TBC1D9: variants seen among roughly 807,000 people sequenced by gnomAD.
TBC1D9 encodes TBC1 domain family member 9.
A neutral mutation model predicts 132.0 loss-of-function variants in TBC1D9; 63 were observed. The observed-to-expected ratio is 0.48, with a 90% CI of 0.39 to 0.59. The LOEUF (loss-of-function observed/expected upper bound fraction) is 0.59, where lower values mean the gene tolerates loss of function less well. Ranked by LOEUF, TBC1D9 falls within the 20% of genes least tolerant of loss-of-function variation. TBC1D9 has a pLI of 0.00. For synonymous variants in TBC1D9, 610 were observed against 609.9 expected, an observed-to-expected ratio of 1.00 and a Z score of 0.00; for missense variants, 1,261 against 1,592.7, an observed-to-expected ratio of 0.79 and a Z score of 3.54.
In TBC1D9 at chr4:140,639,445, T is replaced by C. The variant is rs1736944275; in HGVS notation, c.2338-17A>G. On this transcript the variant is annotated splice_polypyrimidine_tract_variant and intron_variant, in intron 13 of 20. Transcript: ENST00000442267. ...TCCGAATTTCTGTAAAGGAGCAATA[T>C]TGGTGTCTCTGAAAAAATCTCTTAC... is the stretch of plus-strand genomic sequence containing the variant. 3 of 1,572,458 alleles carry C rather than the reference T, an allele frequency of 1.9e-6. No individual in the cohort carries two copies. Among genetic ancestry groups the C allele is most frequent in the South Asian group, 1.1e-5 (1 of 87,576 alleles).
chr4:140,700,496 T>C (rs1209418432), intron 2 of TBC1D9, among the ~76,000 whole-genome samples: 1 of 151,616 alleles, frequency 6.6e-6, no homozygotes, highest in Admixed American at 6.6e-5. Flanking sequence ...TAGAAGTTCT[T>C]ATGAGAGATC....
intron 2 of TBC1D9, among the ~76,000 whole-genome samples, chr4:140,697,019 T>G (rs575029117): frequency 6.6e-6 from 1 of 152,336 alleles, no homozygotes; most frequent in East Asian, 1.9e-4. Flanking sequence ...GCTTCTGCTC[T>G]TAAAATCTTA....
At position 140,622,185 on chromosome 4, in the gene TBC1D9, G is replaced by T; in HGVS notation, c.*10C>A. The T allele has an allele frequency of 6.4e-7, 1 of 1,561,560 alleles. No homozygotes were observed. Among genetic ancestry groups the T allele is most frequent in the Non-Finnish European group, 8.7e-7 (1 of 1,145,214 alleles). ...CCCTCTCCTCCCACTCCCCCGGGAA[G>T]GCGCCCGTGTCAGCCGGACATGGCC... On this transcript the variant is annotated 3_prime_UTR_variant, in exon 21 of 21. Transcript: ENST00000442267.
chr4:140,643,626 A>G (rs1737047915), intron 13 of TBC1D9: 1 of 979,710 alleles, frequency 1.0e-6, no homozygotes, highest in East Asian at 2.7e-5. Flanking sequence ...TGCCGCAGGA[A>G]CCGCCACAGG....
Position 140,756,080 on chromosome 4 carries a change from C to T in TBC1D9, c.-35G>A, listed in dbSNP as rs745650845. The T allele has an allele frequency of 2.5e-6, 4 of 1,592,820 alleles. No homozygotes were observed. In the East Asian group the frequency reaches 6.9e-5, roughly 27 times the overall value. ...TGCCGCGGGCGGGCGCACAATGGGC[C>T]CGTGGGTCCAGTCCTGCACCCACCA... is the stretch of plus-strand genomic sequence containing the variant. On this transcript the variant is annotated 5_prime_UTR_variant, in exon 1 of 21. Transcript: ENST00000442267. This position sits in a 1 kb window ranked among gnomAD's most constrained non-coding sequence, Gnocchi z 5.6.
At chr4:140,652,141 T>C (rs1188602736) in intron 13 of TBC1D9, among the ~76,000 whole-genome samples, 1 of 151,388 alleles carries the variant, frequency 6.6e-6, no homozygotes, top group African/African-American at 2.4e-5. Context: ...CTTGGGAGGC[T>C]GAGACATGAG....
chr4:140,666,971 C>A (rs1420269189), intron 9 of TBC1D9, among the ~76,000 whole-genome samples: 1 of 152,222 alleles, frequency 6.6e-6, no homozygotes, highest in Non-Finnish European at 1.5e-5. Context: ...GCCAACCCAG[C>A]TGACAGGGAC....
intron 18 of TBC1D9, among the ~76,000 whole-genome samples, chr4:140,626,238 T>C (rs1014061370): frequency 6.6e-5 from 10 of 152,194 alleles, no homozygotes; most frequent in African/African-American, 2.4e-4. Flanking sequence ...GCAAAATGTC[T>C]TATTACATTC....
chr4:140,753,938 T>G (rs946100155), intron 1 of TBC1D9, among the ~76,000 whole-genome samples: 3 of 152,246 alleles, frequency 2.0e-5, no homozygotes, highest in Non-Finnish European at 4.4e-5. Flanking sequence ...ACATTTTACC[T>G]CTCTTGCTTG....
intron 2 of TBC1D9, among the ~76,000 whole-genome samples, chr4:140,687,067 A>G (rs1216890457): frequency 2.0e-5 from 3 of 151,940 alleles, no homozygotes; most frequent in African/African-American, 7.2e-5. Flanking sequence ...AACCAAGTCA[A>G]CACATTTTGG....
At chr4:140,713,446 T>A (rs578223353) in intron 1 of TBC1D9, among the ~76,000 whole-genome samples, 1 of 152,282 alleles carries the variant, frequency 6.6e-6, no homozygotes, top group South Asian at 2.1e-4. Context: ...TTTTATTATT[T>A]GAAATATATT....
intron 1 of TBC1D9, chr4:140,716,089 C>A (rs1003561255): frequency 2.0e-5 from 3 of 152,156 alleles, no homozygotes; most frequent in Non-Finnish European, 2.9e-5. Flanking sequence ...ATGTAAATGA[C>A]CTGTAAATGT....
chr4:140,652,335 A>G (rs139358264), intron 13 of TBC1D9, among the ~76,000 whole-genome samples: 3 of 152,062 alleles, frequency 2.0e-5, no homozygotes, highest in East Asian at 3.9e-4. Context: ...CAACCACACT[A>G]TCTTTTTTGC....
intron 20 of TBC1D9, 113 bp downstream of exon 20, chr4:140,624,003 G>A (rs1313131874): frequency 4.5e-6 from 3 of 670,030 alleles, no homozygotes; most frequent in South Asian, 2.1e-5. Flanking sequence ...CTAAGTAAAG[G>A]CCCCAGTTAT....
At chr4:140,663,708 C>T (rs2111003087) in intron 9 of TBC1D9, among the ~76,000 whole-genome samples, 1 of 152,130 alleles carries the variant, frequency 6.6e-6, no homozygotes, top group South Asian at 2.1e-4. Flanking sequence ...TATATTCAGC[C>T]TATAAGAGGG....
At chr4:140,703,002 A>T (rs1738095901) in intron 1 of TBC1D9, among the ~76,000 whole-genome samples, 1 of 152,190 alleles carries the variant, frequency 6.6e-6, no homozygotes, top group Non-Finnish European at 1.5e-5. Context: ...TTGAAGACTG[A>T]AGGTAATAAG....
At chr4:140,742,664 A>G (rs1205058713) in intron 1 of TBC1D9, among the ~76,000 whole-genome samples, 1 of 152,126 alleles carries the variant, frequency 6.6e-6, no homozygotes. Context: ...TAGTTTCACT[A>G]GTAGAGGATG....
intron 13 of TBC1D9, among the ~76,000 whole-genome samples, chr4:140,656,073 T>C (rs1737262041): frequency 6.6e-6 from 1 of 152,102 alleles, no homozygotes; most frequent in Non-Finnish European, 1.5e-5. Flanking sequence ...ACATCCAGGC[T>C]CCATTCAATG....
intron 2 of TBC1D9, among the ~76,000 whole-genome samples, chr4:140,693,060 T>A (rs2111031942): frequency 6.6e-6 from 1 of 151,930 alleles, no homozygotes; most frequent in South Asian, 2.1e-4. Flanking sequence ...ACAAAAAAAC[T>A]GTCAAACATA....
Sources: allele counts gnomAD v4.1 joint callset (sites outside exome capture counted in the v4.1 genomes callset), GRCh38; gene constraint gnomAD v4.1.1; non-coding constraint Gnocchi (gnomAD v3.1); transcripts MANE v1.5; gene names NCBI Gene and HGNC (gene_info 2026-07-23, HGNC 2026-07-21).